The following ZNF280D variants were observed in gnomAD, a reference collection of about 807,000 sequenced individuals.
ZNF280D encodes the protein zinc finger protein 280D, also known as suppressor of hairy wing homolog 4.
In ZNF280D, 39 loss-of-function variants were observed where a neutral mutation model predicts 94.7. The observed-to-expected ratio is 0.41, with a 90% CI of 0.32 to 0.54. ZNF280D has a LOEUF of 0.54. Among genes scored for constraint, ZNF280D ranks in the 20% least tolerant of loss-of-function variants. ZNF280D has a pLI of 0.22. For missense variants in ZNF280D, 1,090 were observed against 1,149.3 expected (o/e 0.95, Z 0.75); for synonymous variants, 398 against 377.6 (o/e 1.05, Z -0.63).
intron 1 of ZNF280D, among the ~76,000 whole-genome samples, chr15:56,723,671 C>T (rs193202786): frequency 4.8e-4 from 73 of 152,192 alleles, no homozygotes; most frequent in African/African-American, 1.7e-3. Flanking sequence ...TTCCCCAACC[C>T]TATAGACTTC....
chr15:56,709,865 G>C (rs1596609406), intron 1 of ZNF280D, among the ~76,000 whole-genome samples: 1 of 152,216 alleles, frequency 6.6e-6, no homozygotes. Flanking sequence ...TCGTTGGGTG[G>C]GGGTAGAGGG....
chr15:56,689,778 C>CAAAAAA (rs1566986602), intron 7 of ZNF280D, among the ~76,000 whole-genome samples: 1 of 149,994 alleles, frequency 6.7e-6, no homozygotes. Flanking sequence ...TATTCCAAGC[C>CAAAAAA]AAAAAAAAAA....
At chr15:56,706,919 C>CT (rs1452414596) in intron 3 of ZNF280D, among the ~76,000 whole-genome samples, 163 bp downstream of exon 3, 2 of 152,060 alleles carry the variant, frequency 1.3e-5, no homozygotes, top group African/African-American at 2.4e-5. Context: ...ATTTTACTCA[C>CT]TTTTTTATTT....
At chr15:56,710,104 T>G (rs2057671785) in intron 1 of ZNF280D, among the ~76,000 whole-genome samples, 1 of 152,210 alleles carries the variant, frequency 6.6e-6, no homozygotes, top group Non-Finnish European at 1.5e-5. Context: ...AGTTGGCTCT[T>G]TAAGACAGCC....
intron 19 of ZNF280D, among the ~76,000 whole-genome samples, chr15:56,647,695 A>G (rs1019001065): frequency 6.6e-6 from 1 of 152,106 alleles, no homozygotes; most frequent in Admixed American, 6.6e-5. Flanking sequence ...ACACTTGGCT[A>G]ATTTTTATAC....
intron 19 of ZNF280D, among the ~76,000 whole-genome samples, chr15:56,646,453 A>C (rs1478832989): frequency 2.0e-5 from 3 of 152,106 alleles, no homozygotes; most frequent in Admixed American, 2.0e-4. Flanking sequence ...ACAAACAAAA[A>C]ACAGCAAAAT....
rs764488710 is a variant in ZNF280D, at chr15:56,675,462, C to G, written c.1410+1208G>C. Among the ~76,000 whole-genome samples the G allele has an allele frequency of 2.6e-5, 4 of 151,100 alleles. No homozygotes were observed. In the South Asian group the frequency reaches 8.4e-4, roughly 32 times the overall value. Reference sequence around the variant, plus strand: ...TTTTTTTTTATAACACTATGTTCAACAAAACAAACAGTGATCTATTCCAAG... The same window carrying G: ...TTTTTTTTTATAACACTATGTTCAAGAAAACAAACAGTGATCTATTCCAAG... On this transcript the variant is annotated intron_variant, in intron 13 of 21. Coordinates refer to ENST00000267807, the MANE Select transcript of ZNF280D (RefSeq NM_017661.4).
chr15:56,695,318 C>A (rs184986162), intron 6 of ZNF280D, among the ~76,000 whole-genome samples: 382 of 152,164 alleles, frequency 2.5e-3, no homozygotes, highest in Admixed American at 5.2e-3. Flanking sequence ...GGTGATCCAC[C>A]TGCCTTGGCC....
intron 4 of ZNF280D, among the ~76,000 whole-genome samples, chr15:56,703,082 C>CACTGTCAT (rs1418131007): frequency 6.6e-6 from 1 of 152,100 alleles, no homozygotes; most frequent in Non-Finnish European, 1.5e-5. Context: ...TGTTTCTCTG[C>CACTGTCAT]ACTGTCATAC....
intron 16 of ZNF280D, among the ~76,000 whole-genome samples, chr15:56,663,182 G>A (rs1042263097): frequency 5.3e-5 from 8 of 149,742 alleles, no homozygotes; most frequent in East Asian, 2.0e-4. Flanking sequence ...TACTCAAGAC[G>A]CTGAGGTGGG....
intron 17 of ZNF280D, among the ~76,000 whole-genome samples, chr15:56,656,664 C>T (rs1393566530): frequency 2.0e-5 from 3 of 152,118 alleles, no homozygotes; most frequent in Admixed American, 6.5e-5. Flanking sequence ...CTATTTTCCA[C>T]GTACATCATT....
chr15:56,733,450 GC>G lies in ZNF280D; in HGVS notation c.-86+7del, dbSNP rs1198401218. 1 of 1,064,338 alleles carries G rather than the reference GC, an allele frequency of 9.4e-7. No individual in the cohort carries two copies. Among genetic ancestry groups the G allele is most frequent in the African/African-American group, 1.7e-5 (1 of 57,580 alleles). 65.9% of individuals were successfully genotyped at this position (1,064,338 alleles called of 1,614,324 possible). A position where few individuals can be genotyped will look rare whatever the true frequency, so the allele number is the denominator to read the frequency against. ...GCGCAGGGCGGGCGGGGGCGGGGGG[GC>G]GCTTACCGTGAGCGGAGCGGATCGG... On this transcript the variant is annotated splice_region_variant and intron_variant, in intron 1 of 21. Transcript: ENST00000267807.
At chr15:56,662,775 G>C (rs972256517) in intron 16 of ZNF280D, among the ~76,000 whole-genome samples, 11 of 142,678 alleles carry the variant, frequency 7.7e-5, no homozygotes, top group Admixed American at 5.9e-4. Flanking sequence ...AGTGAGCCAA[G>C]ATCTTGCCAC....
At chr15:56,671,507 G>T (rs749935543) in intron 13 of ZNF280D, among the ~76,000 whole-genome samples, 3 of 151,716 alleles carry the variant, frequency 2.0e-5, no homozygotes, top group Non-Finnish European at 4.4e-5. Context: ...TTTATTTCTG[G>T]GTTCTCTATA....
intron 17 of ZNF280D, among the ~76,000 whole-genome samples, chr15:56,655,383 T>C (rs903857260): frequency 6.6e-5 from 10 of 152,264 alleles, no homozygotes; most frequent in African/African-American, 1.9e-4. Flanking sequence ...AATTTTTGTA[T>C]TTTTACTAGA....
intron 1 of ZNF280D, among the ~76,000 whole-genome samples, chr15:56,711,016 A>G (rs2057731916): frequency 6.6e-6 from 1 of 152,232 alleles, no homozygotes; most frequent in Non-Finnish European, 1.5e-5. Context: ...TCAGGCTTAT[A>G]GTTCAACTGA....
rs766985125 is a variant in ZNF280D at position 56,682,458 on chromosome 15, A to G, written c.800T>C (p.Ile267Thr). The G allele has an allele frequency of 2.0e-6, 3 of 1,502,878 alleles. No homozygotes were observed. The highest frequency in any genetic ancestry group is 2.5e-5 in the South Asian group (2 of 79,070). The allele number at this position is 1,502,878 out of a possible 1,614,324, so 93.1% of individuals were successfully genotyped here. A position where few individuals can be genotyped will look rare whatever the true frequency, so the allele number is the denominator to read the frequency against. Residue 267 changes from isoleucine (I) to threonine (T), a missense_variant, in exon 10 of 22, where the codon ATA (isoleucine) becomes ACA (threonine). By Grantham distance (89) the Ile-to-Thr change is moderately conservative. Transcript: ENST00000267807. The stretch of plus-strand genomic sequence containing the variant: ...TTTAGCCAGTCCCAAAAAGTTATTT[A>G]TCATGTCTGGACAACAATACTGAAA... ...NHMKYCCPDM[I>T]NNFLGLAKTE...
intron 1 of ZNF280D, chr15:56,730,530 T>A (rs1254284615): frequency 1.3e-5 from 2 of 152,216 alleles, no homozygotes; most frequent in African/African-American, 4.8e-5. Flanking sequence ...TGGACAGATG[T>A]TCCAGTTGAA....
chr15:56,707,175 A>C (rs2057459261), intron 2 of ZNF280D, 25 bp from the exon 3 acceptor site: 5 of 1,611,730 alleles, frequency 3.1e-6, no homozygotes, highest in Admixed American at 3.3e-5. Flanking sequence ...CAGTCAATTT[A>C]ATGAGTCACT....
Sources: allele counts gnomAD v4.1 joint callset (sites outside exome capture counted in the v4.1 genomes callset), GRCh38; gene constraint gnomAD v4.1.1; transcripts MANE v1.5; gene names NCBI Gene and HGNC (gene_info 2026-07-23, HGNC 2026-07-21).